The following GABRG3 variants were observed in gnomAD, a reference collection of about 807,000 sequenced individuals.
GABRG3 encodes gamma-aminobutyric acid receptor subunit gamma-3.
A neutral mutation model predicts 48.8 loss-of-function variants in GABRG3; 25 were observed. The observed-to-expected ratio is 0.51, with a 90% CI of 0.37 to 0.72. GABRG3 has a LOEUF of 0.72. Ranked by LOEUF, GABRG3 falls within the 30% of genes least tolerant of loss-of-function variation. The pLI, the probability that GABRG3 is intolerant of heterozygous loss-of-function variation, is 0.00. For synonymous variants in GABRG3, 227 were observed against 217.6 expected, an observed-to-expected ratio of 1.04 and a Z score of -0.38; for missense variants, 394 against 577.9, an observed-to-expected ratio of 0.68 and a Z score of 3.26.
Position 27,131,653 on chromosome 15 carries a change from A to G in GABRG3, c.270+104832A>G, listed in dbSNP as rs185946213. Among the ~76,000 whole-genome samples the G allele has an allele frequency of 3.2e-3, 480 of 152,058 alleles. 1 individual carries two copies. Among genetic ancestry groups the G allele is most frequent in the African/African-American group, 0.011 (464 of 41,506 alleles). ...TTTTTTAAAGTTTTATTTTTGATGGACATGTAATTGTTATACATACTTACA... is the reference window on the plus strand; with the variant it reads ...TTTTTTAAAGTTTTATTTTTGATGGGCATGTAATTGTTATACATACTTACA... On this transcript the variant is annotated intron_variant, in intron 3 of 9. Coordinates refer to ENST00000615808, the MANE Select transcript of GABRG3 (RefSeq NM_033223.5).
intron 3 of GABRG3, among the ~76,000 whole-genome samples, chr15:27,300,388 G>T (rs1028655886): frequency 2.0e-5 from 3 of 152,080 alleles, no homozygotes; most frequent in African/African-American, 7.2e-5. Flanking sequence ...TGCAGGCCAG[G>T]CACGGTCACT....
intron 3 of GABRG3, among the ~76,000 whole-genome samples, chr15:27,227,717 T>A (rs905728988): frequency 1.3e-5 from 2 of 152,004 alleles, no homozygotes; most frequent in African/African-American, 4.8e-5. Flanking sequence ...CATGGCAATT[T>A]TTTTTTATCT....
At chr15:26,986,368 G>T (rs931805132) in intron 2 of GABRG3, among the ~76,000 whole-genome samples, 2 of 152,176 alleles carry the variant, frequency 1.3e-5, no homozygotes, top group African/African-American at 4.8e-5. Context: ...AATAAATTTT[G>T]TAGAGAAATT....
intron 4 of GABRG3, 46 bp downstream of exon 4, chr15:27,327,075 A>G: frequency 6.6e-7 from 1 of 1,505,100 alleles, no homozygotes; most frequent in Non-Finnish European, 9.1e-7. Flanking sequence ...TTAAAATGGG[A>G]TCCTTAATTT....
intron 3 of GABRG3, among the ~76,000 whole-genome samples, chr15:27,032,830 G>T (rs1176797186): frequency 6.9e-6 from 1 of 144,956 alleles, no homozygotes; most frequent in African/African-American, 2.5e-5. Flanking sequence ...GGCATTGAGT[G>T]GTTTTTCCCT....
chr15:27,032,223 A>T (rs1896098823), intron 3 of GABRG3, among the ~76,000 whole-genome samples: 1 of 152,096 alleles, frequency 6.6e-6, no homozygotes, highest in South Asian at 2.1e-4. Context: ...TTTTAATTTG[A>T]TTCTTTCTAA....
chr15:27,511,547 A>G (rs1453419171), intron 6 of GABRG3, among the ~76,000 whole-genome samples: 1 of 152,226 alleles, frequency 6.6e-6, no homozygotes, highest in Non-Finnish European at 1.5e-5. Flanking sequence ...ACACTGATAT[A>G]CTGCTCAACG....
intron 5 of GABRG3, among the ~76,000 whole-genome samples, chr15:27,407,191 G>A (rs540934096): frequency 2.0e-5 from 3 of 152,222 alleles, no homozygotes; most frequent in South Asian, 4.2e-4. Context: ...CTCCCAAATT[G>A]CTGAGATTAC....
chr15:27,237,790 C>T (rs930226738), intron 3 of GABRG3, among the ~76,000 whole-genome samples: 2 of 152,206 alleles, frequency 1.3e-5, no homozygotes, highest in Admixed American at 1.3e-4. Flanking sequence ...CAGCTTGTGT[C>T]CTTGCTCATT....
At position 26,976,875 on chromosome 15, in the gene GABRG3, T is replaced by C; in HGVS notation, c.54-127T>C. On this transcript the variant is annotated intron_variant, in intron 1 of 9. Coordinates refer to ENST00000615808, the MANE Select transcript of GABRG3 (RefSeq NM_033223.5). This position sits in a 1 kb window ranked among gnomAD's most constrained non-coding sequence, Gnocchi z 7.8. ...TAGAAAATATTTTCGGGTTTTCACGTGTGTGGTTGGGCTGTGGGTACTGGG... is the reference window on the plus strand; with the variant it reads ...TAGAAAATATTTTCGGGTTTTCACGCGTGTGGTTGGGCTGTGGGTACTGGG... 1 of 828,604 alleles carries C rather than the reference T, an allele frequency of 1.2e-6. No individual in the cohort carries two copies. The highest frequency in any genetic ancestry group is 1.9e-6 in the Non-Finnish European group (1 of 515,708). 51.3% of individuals were successfully genotyped at this position (828,604 alleles called of 1,614,324 possible).
At chr15:27,003,857 AC>A (rs1217569527) in intron 2 of GABRG3, among the ~76,000 whole-genome samples, 2 of 111,550 alleles carry the variant, frequency 1.8e-5, no homozygotes, top group Non-Finnish European at 1.9e-5. Flanking sequence ...GGGGGGGCTG[AC>A]CCCCCCACCT....
chr15:27,416,393 G>A (rs1887940465), intron 5 of GABRG3, among the ~76,000 whole-genome samples: 2 of 152,108 alleles, frequency 1.3e-5, no homozygotes, highest in African/African-American at 4.8e-5. Flanking sequence ...CAGGTCAGTA[G>A]GGCTCTGATA....
intron 3 of GABRG3, among the ~76,000 whole-genome samples, chr15:27,158,766 A>T (rs1372582452): frequency 1.3e-5 from 2 of 152,256 alleles, no homozygotes; most frequent in African/African-American, 4.8e-5. Context: ...CACTATTTCC[A>T]TGATAAACCA....
At chr15:27,305,403 A>G (rs1379156571) in intron 3 of GABRG3, among the ~76,000 whole-genome samples, 1 of 150,762 alleles carries the variant, frequency 6.6e-6, no homozygotes, top group Admixed American at 6.7e-5. Context: ...TCTTCAAGGA[A>G]TAGAAGACCC....
At chr15:27,442,624 C>T (rs868115854) in intron 5 of GABRG3, among the ~76,000 whole-genome samples, 1 of 152,174 alleles carries the variant, frequency 6.6e-6, no homozygotes, top group African/African-American at 2.4e-5. Context: ...TTATGCAAAG[C>T]GCACTTTGGA....
chr15:27,531,322 C>T lies in GABRG3; in HGVS notation c.1123-1278C>T, dbSNP rs780496161. Among the ~76,000 whole-genome samples, 71 of 152,356 alleles carry T rather than the reference C, an allele frequency of 4.7e-4. 2 individuals carry two copies. In the Middle Eastern group the frequency reaches 0.031, roughly 66 times the overall value. On this transcript the variant is annotated intron_variant, in intron 9 of 9. Coordinates refer to ENST00000615808, the MANE Select transcript of GABRG3 (RefSeq NM_033223.5). ...AATCTGAGTGCCTGATCAACACTTC[C>T]ACCCCTCCCCGATTTATGACCCCAT...
intron 3 of GABRG3, among the ~76,000 whole-genome samples, chr15:27,168,071 A>G (rs1378957069): frequency 6.6e-6 from 1 of 152,020 alleles, no homozygotes; most frequent in Non-Finnish European, 1.5e-5. Flanking sequence ...TCTTTATGGG[A>G]AAAACAGCAC....
At chr15:27,003,926 G>A (rs1441415372) in intron 2 of GABRG3, among the ~76,000 whole-genome samples, 1 of 149,446 alleles carries the variant, frequency 6.7e-6, no homozygotes, top group African/African-American at 2.5e-5. Flanking sequence ...CAGTAGGGGC[G>A]GCCGGGCAGA....
chr15:26,980,769 T>G (rs1010773830), intron 2 of GABRG3, among the ~76,000 whole-genome samples: 1 of 152,178 alleles, frequency 6.6e-6, no homozygotes, highest in African/African-American at 2.4e-5. Context: ...TTTTTGTACT[T>G]CTTTAATTTC....
Sources: allele counts gnomAD v4.1 joint callset (sites outside exome capture counted in the v4.1 genomes callset), GRCh38; gene constraint gnomAD v4.1.1; non-coding constraint Gnocchi (gnomAD v3.1); transcripts MANE v1.5; gene names NCBI Gene and HGNC (gene_info 2026-07-23, HGNC 2026-07-21).